Variants in KCNB2 observed in about 807,000 individuals in gnomAD.
KCNB2 encodes delayed rectifier potassium channel protein.
KCNB2 carries 15 observed loss-of-function variants against 61.5 expected under a neutral mutation model. The observed-to-expected ratio is 0.24, with a 90% CI of 0.16 to 0.38. KCNB2 has a LOEUF of 0.38. KCNB2 is among the 10% of genes least tolerant of loss of function. The pLI is 1.00. For missense variants in KCNB2, 828 were observed against 1,125.2 expected, an observed-to-expected ratio of 0.74 and a Z score of 3.78; for synonymous variants, 457 against 446.0, an observed-to-expected ratio of 1.02 and a Z score of -0.31.
chr8:72,628,033 C>G (rs1427639125), intron 2 of KCNB2, among the ~76,000 whole-genome samples: 9 of 151,986 alleles, frequency 5.9e-5, no homozygotes, highest in African/African-American at 2.2e-4. Context: ...AGCCCACTGC[C>G]ACCTCCACCT....
At chr8:72,916,397 C>G (rs1399334076) in intron 2 of KCNB2, among the ~76,000 whole-genome samples, 3 of 152,150 alleles carry the variant, frequency 2.0e-5, no homozygotes, top group East Asian at 1.9e-4. Flanking sequence ...TGTTCCACCC[C>G]CTCACGGGAC....
At chr8:72,645,459 T>C (rs965509838) in intron 2 of KCNB2, among the ~76,000 whole-genome samples, 3 of 152,116 alleles carry the variant, frequency 2.0e-5, no homozygotes, top group African/African-American at 7.2e-5. Flanking sequence ...CTGCCTTAGC[T>C]AGGCATAGTA....
intron 2 of KCNB2, among the ~76,000 whole-genome samples, chr8:72,902,156 C>A (rs138412529): frequency 6.6e-5 from 10 of 152,152 alleles, no homozygotes; most frequent in African/African-American, 2.4e-4. Flanking sequence ...TTAGATTAAT[C>A]TATGGCAAGG....
At chr8:72,933,236 A>G (rs1385006644) in intron 2 of KCNB2, among the ~76,000 whole-genome samples, 1 of 152,252 alleles carries the variant, frequency 6.6e-6, no homozygotes. Flanking sequence ...ACAATAGACT[A>G]CAGCAAGACT....
At chr8:72,901,316 AAC>A (rs1806089722) in intron 2 of KCNB2, among the ~76,000 whole-genome samples, 1 of 152,196 alleles carries the variant, frequency 6.6e-6, no homozygotes, top group Admixed American at 6.5e-5. Flanking sequence ...ACTGGCAAGA[AAC>A]AGTAGCAGGG....
intron 2 of KCNB2, among the ~76,000 whole-genome samples, chr8:72,864,679 G>A (rs1723186318): frequency 6.6e-6 from 1 of 152,188 alleles, no homozygotes; most frequent in South Asian, 2.1e-4. Flanking sequence ...ATGGAAAGTA[G>A]CAGAAAGACG....
intron 2 of KCNB2, among the ~76,000 whole-genome samples, chr8:72,590,683 T>G (rs1389115277): frequency 6.6e-6 from 1 of 152,184 alleles, no homozygotes; most frequent in African/African-American, 2.4e-5. Flanking sequence ...TAGCATTTCA[T>G]TTTTTAAAAT....
chr8:72,648,653 A>G (rs990777350), intron 2 of KCNB2, among the ~76,000 whole-genome samples: 1 of 151,700 alleles, frequency 6.6e-6, no homozygotes, highest in Non-Finnish European at 1.5e-5. Flanking sequence ...ATGTTTGGTA[A>G]TATATTCAGT....
intron 2 of KCNB2, among the ~76,000 whole-genome samples, chr8:72,632,872 G>A (rs2128985099): frequency 6.6e-6 from 1 of 152,230 alleles, no homozygotes; most frequent in Admixed American, 6.5e-5. Flanking sequence ...TGTGTAACTT[G>A]CATCTTGAAA....
chr8:72,612,695 G>C (rs1212705006), intron 2 of KCNB2, among the ~76,000 whole-genome samples: 1 of 152,156 alleles, frequency 6.6e-6, no homozygotes, highest in Non-Finnish European at 1.5e-5. Context: ...GTTGCCTTGG[G>C]CTTTGTGGAG....
intron 2 of KCNB2, among the ~76,000 whole-genome samples, chr8:72,762,288 GA>G (rs1808395074): frequency 6.6e-6 from 1 of 152,220 alleles, no homozygotes; most frequent in Non-Finnish European, 1.5e-5. Context: ...AGGCATGAAT[GA>G]TACGACATCT....
At chr8:72,904,614 G>A (rs1460059179) in intron 2 of KCNB2, among the ~76,000 whole-genome samples, 1 of 151,980 alleles carries the variant, frequency 6.6e-6, no homozygotes, top group Admixed American at 6.6e-5. Flanking sequence ...ATTAGCTTAG[G>A]TGGTTGCCTC....
intron 1 of KCNB2, among the ~76,000 whole-genome samples, chr8:72,561,074 C>T (rs1806504097): frequency 6.6e-6 from 1 of 152,004 alleles, no homozygotes; most frequent in Non-Finnish European, 1.5e-5. Context: ...CACAATGCTT[C>T]CTTTGACCAC....
chr8:72,669,900 A>T (rs887167034), intron 2 of KCNB2, among the ~76,000 whole-genome samples: 2 of 152,168 alleles, frequency 1.3e-5, no homozygotes, highest in Admixed American at 1.3e-4. Context: ...GAGAATATTG[A>T]CTTGAACATA....
chr8:72,770,092 G>A (rs1808535749), intron 2 of KCNB2, among the ~76,000 whole-genome samples: 1 of 152,162 alleles, frequency 6.6e-6, no homozygotes, highest in African/African-American at 2.4e-5. Context: ...TTGTAGAAGG[G>A]AATAACAGCC....
At chr8:72,539,692 C>G (rs931328497) in intron 1 of KCNB2, among the ~76,000 whole-genome samples, 3 of 152,178 alleles carry the variant, frequency 2.0e-5, no homozygotes, top group Non-Finnish European at 4.4e-5. Context: ...TATTGCCTCT[C>G]TTTTCTTTTC....
intron 2 of KCNB2, among the ~76,000 whole-genome samples, chr8:72,733,037 T>A (rs1395096402): frequency 1.3e-5 from 2 of 150,486 alleles, no homozygotes. Context: ...TAAATTAACA[T>A]GTAAGAGAAA....
At chr8:72,861,902 T>C (rs1805420555) in intron 2 of KCNB2, among the ~76,000 whole-genome samples, 1 of 152,172 alleles carries the variant, frequency 6.6e-6, no homozygotes, top group Non-Finnish European at 1.5e-5. Context: ...CCAGGTGCAG[T>C]GGCGCACACC....
chr8:72,796,822 G>C (rs1809038789), intron 2 of KCNB2, among the ~76,000 whole-genome samples: 1 of 152,146 alleles, frequency 6.6e-6, no homozygotes, highest in Admixed American at 6.5e-5. Context: ...TCACCAAAAT[G>C]ATATCAACTG....
Sources: gnomAD v4.1 joint callset for allele counts (sites outside exome capture counted in the v4.1 genomes callset) on GRCh38, gnomAD v4.1.1 for gene constraint, MANE v1.5 for transcripts, NCBI Gene and HGNC (gene_info 2026-07-23, HGNC 2026-07-21) for gene names.